Variants in TCF7L1 observed in about 807,000 individuals in gnomAD.
TCF7L1 encodes transcription factor 7 like 1.
Under a neutral mutation model 63.7 loss-of-function variants are expected in TCF7L1, and 18 were observed. That is an observed-to-expected ratio of 0.28 (90% confidence interval 0.20 to 0.42). The LOEUF is 0.42. TCF7L1 is among the 10% of genes least tolerant of loss of function. The pLI, the probability that TCF7L1 is intolerant of heterozygous loss-of-function variation, is 1.00. For missense variants in TCF7L1, 654 were observed against 779.3 expected, an observed-to-expected ratio of 0.84 and a Z score of 1.91; for synonymous variants, 355 against 340.9, an observed-to-expected ratio of 1.04 and a Z score of -0.46.
chr2:85,298,384 G>A (rs1230328554), intron 4 of TCF7L1, among the ~76,000 whole-genome samples: 5 of 149,544 alleles, frequency 3.3e-5, no homozygotes, highest in Non-Finnish European at 5.9e-5. Flanking sequence ...CCAGCTACTC[G>A]GGAGGCTGAG....
chr2:85,214,908 G>A (rs1237743158), intron 3 of TCF7L1, among the ~76,000 whole-genome samples: 1 of 152,188 alleles, frequency 6.6e-6, no homozygotes, highest in Non-Finnish European at 1.5e-5. Context: ...CATATTTGGA[G>A]TTTGCTGTCC....
chr2:85,164,378 C>G (rs573677435), intron 3 of TCF7L1, among the ~76,000 whole-genome samples: 5 of 152,270 alleles, frequency 3.3e-5, no homozygotes, highest in South Asian at 4.1e-4. Flanking sequence ...AAGATGAAGG[C>G]TGGGGTCAGG....
chr2:85,202,979 A>G lies in TCF7L1; in HGVS notation c.441+68529A>G, dbSNP rs565509932. Among the ~76,000 whole-genome samples, 108 of 151,998 alleles carry G rather than the reference A, an allele frequency of 7.1e-4. 3 individuals carry two copies. The South Asian group carries it at 0.021, about 29-fold the overall frequency. On this transcript the variant is annotated intron_variant, in intron 3 of 11. Transcript: ENST00000282111. ...CTCCCAAGTAGCTGGGACTACAGGC[A>G]CCCGCCACCACGCCCGGCTAATTTT...
chr2:85,150,687 T>C (rs75470307), intron 3 of TCF7L1, among the ~76,000 whole-genome samples: 11,120 of 152,162 alleles, frequency 0.073, 612 homozygotes, highest in African/African-American at 0.15. Flanking sequence ...AGGAACGTTA[T>C]CTATTTTTCC....
intron 4 of TCF7L1, among the ~76,000 whole-genome samples, chr2:85,301,480 A>C (rs556634811): frequency 1.3e-5 from 2 of 152,374 alleles, no homozygotes; most frequent in South Asian, 4.1e-4. Flanking sequence ...AGGTTTAAAC[A>C]ATTAAAAAGT....
chr2:85,171,041 A>G (rs1411810553), intron 3 of TCF7L1, among the ~76,000 whole-genome samples: 1 of 152,210 alleles, frequency 6.6e-6, no homozygotes, highest in Admixed American at 6.5e-5. Context: ...TTATAAAGAA[A>G]AAAAGGTTAA....
chr2:85,169,514 A>G (rs1016993632), intron 3 of TCF7L1, among the ~76,000 whole-genome samples: 15 of 152,064 alleles, frequency 9.9e-5, no homozygotes, highest in African/African-American at 3.6e-4. Context: ...TATGTACCTC[A>G]CAATCAAACA....
chr2:85,173,232 T>A (rs900443316), intron 3 of TCF7L1, among the ~76,000 whole-genome samples: 1 of 152,010 alleles, frequency 6.6e-6, no homozygotes, highest in African/African-American at 2.4e-5. Context: ...GGTGACTGAT[T>A]GAAACTATTC....
At chr2:85,152,596 G>A (rs1266571886) in intron 3 of TCF7L1, among the ~76,000 whole-genome samples, 4 of 151,668 alleles carry the variant, frequency 2.6e-5, no homozygotes, top group Admixed American at 1.3e-4. Flanking sequence ...CACCATGCCC[G>A]GCTAATTTTC....
chr2:85,245,646 A>G (rs1463008303), intron 3 of TCF7L1, among the ~76,000 whole-genome samples: 3 of 151,994 alleles, frequency 2.0e-5, no homozygotes, highest in South Asian at 4.2e-4. Flanking sequence ...CCCCGTCTCT[A>G]CTAAAAAAAA....
intron 3 of TCF7L1, among the ~76,000 whole-genome samples, chr2:85,228,851 T>A (rs1291992918): frequency 2.9e-5 from 4 of 138,814 alleles, no homozygotes; most frequent in Non-Finnish European, 6.3e-5. Context: ...CCATCTCTCC[T>A]AAAAAAAAAA....
At chr2:85,199,174 T>C (rs544362792) in intron 3 of TCF7L1, among the ~76,000 whole-genome samples, 1 of 152,252 alleles carries the variant, frequency 6.6e-6, no homozygotes, top group Admixed American at 6.5e-5. Flanking sequence ...CTGGAGTAAC[T>C]AGAAAAAGAA....
At chr2:85,169,253 G>C (rs377274988) in intron 3 of TCF7L1, among the ~76,000 whole-genome samples, 1 of 151,840 alleles carries the variant, frequency 6.6e-6, no homozygotes, top group African/African-American at 2.4e-5. Flanking sequence ...AACACACCTA[G>C]TGCGCTTCTA....
intron 4 of TCF7L1, among the ~76,000 whole-genome samples, chr2:85,284,162 C>T (rs1490270938): frequency 1.3e-5 from 2 of 152,226 alleles, no homozygotes; most frequent in African/African-American, 4.8e-5. Flanking sequence ...AGGCATGTGC[C>T]ACCACGCCTG....
chr2:85,298,115 G>A (rs1182293999), intron 4 of TCF7L1, among the ~76,000 whole-genome samples: 1 of 130,922 alleles, frequency 7.6e-6, no homozygotes, highest in African/African-American at 3.0e-5. Context: ...GTGCCACCAC[G>A]CCTGGCTAAT....
intron 3 of TCF7L1, among the ~76,000 whole-genome samples, chr2:85,210,835 C>T (rs1679523734): frequency 6.6e-6 from 1 of 152,196 alleles, no homozygotes; most frequent in Admixed American, 6.5e-5. Flanking sequence ...TTTCGGTCAG[C>T]ATCATCTCAT....
At chr2:85,190,418 A>G (rs1679017172) in intron 3 of TCF7L1, among the ~76,000 whole-genome samples, 1 of 152,230 alleles carries the variant, frequency 6.6e-6, no homozygotes. Context: ...AAGGAGCACC[A>G]TAGGCCTCTG....
chr2:85,285,185 A>C (rs1489188754), intron 4 of TCF7L1, among the ~76,000 whole-genome samples: 1 of 152,118 alleles, frequency 6.6e-6, no homozygotes, highest in Non-Finnish European at 1.5e-5. Context: ...GTGAGCCGAG[A>C]TCGCGCCACT....
chr2:85,197,592 A>ATTTTTT (rs957631864), intron 3 of TCF7L1, among the ~76,000 whole-genome samples: 2 of 151,812 alleles, frequency 1.3e-5, no homozygotes, highest in Admixed American at 1.3e-4. Flanking sequence ...GGAAATTAAG[A>ATTTTTT]TTTTTTTTTG....
Sources: allele counts gnomAD v4.1 joint callset (sites outside exome capture counted in the v4.1 genomes callset), GRCh38; gene constraint gnomAD v4.1.1; transcripts MANE v1.5; gene names NCBI Gene and HGNC (gene_info 2026-07-23, HGNC 2026-07-21).